The following TGIF2 variants were observed in gnomAD, a reference collection of about 807,000 sequenced individuals.
TGIF2 encodes homeobox protein TGIF2.
TGIF2 carries 5 observed loss-of-function variants against 15.1 expected under a neutral mutation model. The ratio of observed to expected loss-of-function variants is 0.33; its 90% CI spans 0.17 to 0.70. The LOEUF (loss-of-function observed/expected upper bound fraction) is 0.70, where lower values mean the gene tolerates loss of function less well. Ranked by LOEUF, TGIF2 falls within the 30% of genes least tolerant of loss-of-function variation. The probability of loss-of-function intolerance (pLI) is 0.67; values close to 1 mark genes in which losing one functional copy is unlikely to be tolerated. For synonymous variants in TGIF2, 131 were observed against 128.9 expected, an observed-to-expected ratio of 1.02 and a Z score of -0.11; for missense variants, 264 against 302.5, an observed-to-expected ratio of 0.87 and a Z score of 0.94.
chr20:36,576,055 G>A (rs1161574597), intron 1 of TGIF2, among the ~76,000 whole-genome samples: 1 of 151,246 alleles, frequency 6.6e-6, no homozygotes, highest in Non-Finnish European at 1.5e-5. Context: ...TTGCGCCACT[G>A]CACTCCAGCC....
Position 36,576,480 on chromosome 20 carries a change from C to G in TGIF2, c.-34-2261C>G, listed in dbSNP as rs555770015. On this transcript the variant is annotated intron_variant, in intron 1 of 2. Transcript: ENST00000373872. ...TGATCTGTAGTTTCCAGAGTTCTCA[C>G]TGGCCCTTGGGAGACCTAGGAGGCA... Among the ~76,000 whole-genome samples the G allele has an allele frequency of 5.2e-4, 79 of 152,242 alleles. 1 individual carries two copies. The highest frequency in any genetic ancestry group is 7.8e-4 in the Admixed American group (12 of 15,290).
intron 1 of TGIF2, among the ~76,000 whole-genome samples, chr20:36,577,514 G>C (rs928035558): frequency 3.4e-5 from 5 of 148,464 alleles, no homozygotes; most frequent in African/African-American, 9.9e-5. Flanking sequence ...TCCGGCCTTT[G>C]TTTGTTTTTG....
At chr20:36,585,198 CAA>C (rs902104955) in intron 2 of TGIF2, among the ~76,000 whole-genome samples, 1 of 148,262 alleles carries the variant, frequency 6.7e-6, no homozygotes, top group South Asian at 2.1e-4. Context: ...AACTCCATCT[CAA>C]AAAAAAAGAG....
At position 36,578,889 on chromosome 20, in the gene TGIF2, T is replaced by G. The variant is rs147784268; in HGVS notation, c.115T>G (p.Leu39Val). The G allele has an allele frequency of 1.4e-5, 23 of 1,614,006 alleles. No individual in the cohort carries two copies. In the African/African-American group the frequency reaches 2.5e-4, roughly 18 times the overall value. ...GAAGATCCTCCGGGACTGGCTGTACTTGCACCGCTACAACGCCTACCCCTC... is the reference window on the plus strand; with the variant it reads ...GAAGATCCTCCGGGACTGGCTGTACGTGCACCGCTACAACGCCTACCCCTC... ...SVKILRDWLYLHRYNAYPSEQ... is the reference protein window; with the variant it reads ...SVKILRDWLYVHRYNAYPSEQ... Residue 39 changes from leucine (L) to valine (V), a missense_variant, in exon 2 of 3, where the codon TTG becomes GTG. Coordinates refer to ENST00000373872, the MANE Select transcript of TGIF2 (RefSeq NM_021809.7).
chr20:36,573,947 G>A (rs1277171434), intron 1 of TGIF2, among the ~76,000 whole-genome samples: 1 of 151,890 alleles, frequency 6.6e-6, no homozygotes, highest in Non-Finnish European at 1.5e-5. Flanking sequence ...TCCGGGGGCC[G>A]GTGGGGGACT....
intron 2 of TGIF2, among the ~76,000 whole-genome samples, chr20:36,580,504 GAGA>G (rs1379332875): frequency 1.3e-5 from 2 of 151,980 alleles, no homozygotes; most frequent in Admixed American, 6.6e-5. Context: ...AGAAAGGGAC[GAGA>G]AGAAGAATTC....
chr20:36,582,297 C>A (rs1455599938), intron 2 of TGIF2, among the ~76,000 whole-genome samples: 1 of 152,044 alleles, frequency 6.6e-6, no homozygotes, highest in Non-Finnish European at 1.5e-5. Flanking sequence ...AGATGTTAAC[C>A]TGAATCATTT....
rs1009545257 is a variant in TGIF2 at position 36,584,713 on chromosome 20, A to T, written c.192+5747A>T. Among the ~76,000 whole-genome samples the T allele has an allele frequency of 2.0e-5, 3 of 151,822 alleles. No individual in the cohort carries two copies. The South Asian group carries it at 6.2e-4, about 32-fold the overall frequency. On this transcript the variant is annotated intron_variant, in intron 2 of 2. Transcript: ENST00000373872. ...AGGCACCTGCCACCAGGCTGAGCTA[A>T]TTTTTGTAGTTTTAGTAAAGACAGG...
chr20:36,577,623 A>G (rs2038459438), intron 1 of TGIF2, among the ~76,000 whole-genome samples: 1 of 150,326 alleles, frequency 6.7e-6, no homozygotes. Flanking sequence ...GGTTCAAGCA[A>G]TTCTGCCTCA....
chr20:36,583,093 T>C, intron 2 of TGIF2, among the ~76,000 whole-genome samples: 1 of 149,666 alleles, frequency 6.7e-6, no homozygotes, highest in Middle Eastern at 3.4e-3. Context: ...GCCAGCCTGG[T>C]TAACATGGTT....
intron 1 of TGIF2, among the ~76,000 whole-genome samples, chr20:36,574,172 TG>T (rs1237639283): frequency 2.0e-5 from 3 of 147,018 alleles, no homozygotes; most frequent in Non-Finnish European, 4.5e-5. Flanking sequence ...CAGCTGGGGG[TG>T]GGGGCCGCGG....
rs549235570 is a variant in TGIF2, at chr20:36,576,943, G to A, written c.-34-1798G>A. On this transcript the variant is annotated intron_variant, in intron 1 of 2. Coordinates refer to ENST00000373872, the MANE Select transcript of TGIF2 (RefSeq NM_021809.7). ...TGGTCTTGAACTACTGAGCTCAAGC[G>A]ATCCACCTGCCTTGGCCTCCCAAAG... Among the ~76,000 whole-genome samples, 9 of 152,266 alleles carry A rather than the reference G, an allele frequency of 5.9e-5. No individual in the cohort carries two copies. In the South Asian group the frequency reaches 1.2e-3, roughly 21 times the overall value.
At chr20:36,589,873 GAC>G (rs1569532854) in intron 2 of TGIF2, among the ~76,000 whole-genome samples, 1 of 152,026 alleles carries the variant, frequency 6.6e-6, no homozygotes, top group Admixed American at 6.6e-5. Flanking sequence ...ACTTTTTGTA[GAC>G]ACAGGGTTTT....
chr20:36,589,740 G>A (rs952995300), intron 2 of TGIF2, among the ~76,000 whole-genome samples: 2 of 152,044 alleles, frequency 1.3e-5, no homozygotes, highest in African/African-American at 4.8e-5. Context: ...CCAGGCTGGA[G>A]TACAGTGGCA....
rs1458302531 is a variant in TGIF2 at position 36,575,006 on chromosome 20, A to G, written c.-35+1261A>G. 2.0e-5 allele frequency among the ~76,000 whole-genome samples: 3 copies of G among 151,814 alleles called. No homozygotes were observed. In the East Asian group the frequency reaches 5.8e-4, roughly 29 times the overall value. ...CCACAGGTCACTGAGGGTAGAACTGATTGTTAGTGTGATGACGCCTGGAGT... is the reference window on the plus strand; with the variant it reads ...CCACAGGTCACTGAGGGTAGAACTGGTTGTTAGTGTGATGACGCCTGGAGT... On this transcript the variant is annotated intron_variant, in intron 1 of 2. Transcript: ENST00000373872.
At chr20:36,589,415 C>T (rs1375305552) in intron 2 of TGIF2, among the ~76,000 whole-genome samples, 6 of 149,450 alleles carry the variant, frequency 4.0e-5, no homozygotes, top group Non-Finnish European at 5.9e-5. Context: ...TTTTTTAAGA[C>T]GGAGTCTCAC....
chr20:36,578,875 G>A lies in TGIF2; in HGVS notation c.101G>A (p.Arg34Gln), dbSNP rs920189969. The A allele has an allele frequency of 2.3e-5, 37 of 1,614,034 alleles. No individual in the cohort carries two copies. Among genetic ancestry groups the A allele is most frequent in the Non-Finnish European group, 2.8e-5 (33 of 1,180,038 alleles). The change falls in exon 2 of 3, where the codon CGG becomes CAG. Residue 34 changes from arginine to glutamine, a missense_variant. Arg to Gln is a conservative substitution (Grantham distance 43). Transcript: ENST00000373872. Reference sequence around the variant, plus strand: ...CCCAAGGAGTCGGTGAAGATCCTCCGGGACTGGCTGTACTTGCACCGCTAC... The same window carrying A: ...CCCAAGGAGTCGGTGAAGATCCTCCAGGACTGGCTGTACTTGCACCGCTAC... Reference protein sequence around the residue: ...NLPKESVKILRDWLYLHRYNA... With the variant: ...NLPKESVKILQDWLYLHRYNA...
At chr20:36,576,433 T>C (rs2038430669) in intron 1 of TGIF2, among the ~76,000 whole-genome samples, 1 of 152,148 alleles carries the variant, frequency 6.6e-6, no homozygotes, top group South Asian at 2.1e-4. Flanking sequence ...TAAATATTAC[T>C]TGGACTGCTG....
At chr20:36,581,241 C>T (rs548844596) in intron 2 of TGIF2, among the ~76,000 whole-genome samples, 3 of 152,280 alleles carry the variant, frequency 2.0e-5, no homozygotes, top group Admixed American at 6.5e-5. Flanking sequence ...CCCAGCAGTG[C>T]GTGGCATCTC....
Sources: allele counts gnomAD v4.1 joint callset (sites outside exome capture counted in the v4.1 genomes callset), GRCh38; gene constraint gnomAD v4.1.1; transcripts MANE v1.5; gene names NCBI Gene and HGNC (gene_info 2026-07-23, HGNC 2026-07-21).